TMEM61: variants seen among roughly 807,000 people sequenced by gnomAD.
TMEM61 encodes transmembrane protein 61.
Under a neutral mutation model 12.0 loss-of-function variants are expected in TMEM61, and 13 were observed. The ratio of observed to expected loss-of-function variants is 1.08; its 90% CI spans 0.70 to 1.72. The LOEUF (loss-of-function observed/expected upper bound fraction) is 1.72, where lower values mean the gene tolerates loss of function less well. Among genes scored for constraint, TMEM61 ranks in the 40% most tolerant of loss-of-function variants. The probability of loss-of-function intolerance (pLI) is 0.00; values close to 1 mark genes in which losing one functional copy is unlikely to be tolerated. For missense variants in TMEM61, 249 were observed against 276.9 expected (o/e 0.90, Z 0.71); for synonymous variants, 109 against 121.4 (o/e 0.90, Z 0.67).
At chr1:54,981,721 G>C (rs1214179268) in intron 1 of TMEM61, among the ~76,000 whole-genome samples, 1 of 152,152 alleles carries the variant, frequency 6.6e-6, no homozygotes, top group African/African-American at 2.4e-5. Context: ...GGTGCAGGAG[G>C]GAGGCTCTGT....
chr1:54,991,850 T>C lies in TMEM61; in HGVS notation c.380T>C (p.Val127Ala). ...TGTTCCTGCAGGACCCCCAAAGTGGTTGACATCCCCACTTACGAGGAAGCC... is the reference window on the plus strand; with the variant it reads ...TGTTCCTGCAGGACCCCCAAAGTGGCTGACATCCCCACTTACGAGGAAGCC... ...EKESCRTPKV[V>A]DIPTYEEAVS... is the part of the protein sequence containing the mutation. Residue 127 changes from valine to alanine, a missense_variant, in exon 3 of 3, where the codon GTT becomes GCT. Val to Ala is a moderately conservative substitution (Grantham distance 64). Coordinates refer to ENST00000371268, the MANE Select transcript of TMEM61 (RefSeq NM_182532.3). The C allele has an allele frequency of 1.2e-6, 2 of 1,613,974 alleles. No individual in the cohort carries two copies. Among genetic ancestry groups the C allele is most frequent in the Non-Finnish European group, 1.7e-6 (2 of 1,179,958 alleles).
Position 54,991,962 on chromosome 1 carries a change from C to T in TMEM61, c.492C>T (p.Ala164=), listed in dbSNP as rs751754676. The T allele has an allele frequency of 2.5e-6, 4 of 1,614,206 alleles. No homozygotes were observed. Among genetic ancestry groups the T allele is most frequent in the South Asian group, 2.2e-5 (2 of 91,092 alleles). ...EALEPSGSRD[A]LLSTQPAWPP... The stretch of plus-strand genomic sequence containing the variant: ...TGGAGCCAAGTGGATCGAGGGATGC[C>T]CTGCTCAGCACCCAGCCCGCCTGGC... The change falls in exon 3 of 3, where the codon GCC becomes GCT. Residue 164 remains alanine (A), a synonymous_variant. Transcript: ENST00000371268.
chr1:54,983,800 G>A (rs1644239803), intron 1 of TMEM61, among the ~76,000 whole-genome samples: 1 of 152,086 alleles, frequency 6.6e-6, no homozygotes. Flanking sequence ...CCTCTTGACA[G>A]CCTCTCCTAG....
At chr1:54,991,718 A>G in intron 2 of TMEM61, 118 bp from the exon 3 acceptor site, 1 of 1,276,242 alleles carries the variant, frequency 7.8e-7, no homozygotes. Flanking sequence ...CTGGAGAGCC[A>G]CAAAGGCTTG....
intron 2 of TMEM61, among the ~76,000 whole-genome samples, chr1:54,989,136 A>C (rs1039302672): frequency 6.6e-6 from 1 of 152,178 alleles, no homozygotes; most frequent in African/African-American, 2.4e-5. Flanking sequence ...CTTATGAGGT[A>C]AGTGTAAGGA....
rs138273726 is a variant in TMEM61 at position 54,986,242 on chromosome 1, C to G, written c.161C>G (p.Thr54Arg). 37 of 1,613,702 alleles carry G rather than the reference C, an allele frequency of 2.3e-5. No homozygotes were observed. The African/African-American group carries it at 4.3e-4, about 19-fold the overall frequency. Residue 54 changes from threonine to arginine, a missense_variant, in exon 2 of 3, where the codon ACG (threonine) becomes AGG (arginine). By Grantham distance (71) the Thr-to-Arg change is moderately conservative. Coordinates refer to ENST00000371268, the MANE Select transcript of TMEM61 (RefSeq NM_182532.3). ...CAGCCTGGCCAGCTGGCCCCACCCA[C>G]GGAGTATCCGGTGCCTGAGGGCCCC... ...TAQPGQLAPP[T>R]EYPVPEGPSP...
At chr1:54,985,219 A>ATGTGTGTGTG (rs35817239) in intron 1 of TMEM61, among the ~76,000 whole-genome samples, 2,215 of 150,694 alleles carry the variant, frequency 0.015, 55 homozygotes, top group African/African-American at 0.052. Flanking sequence ...GAACGTGTGT[A>ATGTGTGTGTG]TGTGTGTGTG....
In TMEM61 at chr1:54,980,769, C is replaced by T. The variant is rs1321143178; in HGVS notation, c.-297C>T. 1 of 332,174 alleles carries T rather than the reference C, an allele frequency of 3.0e-6. No homozygotes were observed. Among genetic ancestry groups the T allele is most frequent in the East Asian group, 4.5e-5 (1 of 22,264 alleles). The allele number at this position is 332,174 out of a possible 1,614,324, so 20.6% of individuals were successfully genotyped here. Reference sequence around the variant, plus strand: ...CAGAGCCCCGCGGGGAGCGCGCAGCCCTCGGGGCGGGCGCCGGGGTGAGGC... The same window carrying T: ...CAGAGCCCCGCGGGGAGCGCGCAGCTCTCGGGGCGGGCGCCGGGGTGAGGC... On this transcript the variant is annotated 5_prime_UTR_variant, in exon 1 of 3. Coordinates refer to ENST00000371268, the MANE Select transcript of TMEM61 (RefSeq NM_182532.3).
chr1:54,991,307 T>G (rs904899643), intron 2 of TMEM61, among the ~76,000 whole-genome samples: 45 of 152,214 alleles, frequency 3.0e-4, no homozygotes, highest in African/African-American at 1.0e-3. Context: ...TTGTAAGCTC[T>G]CCATCCCTGG....
intron 1 of TMEM61, 60 bp from the exon 2 acceptor site, chr1:54,986,037 C>T: frequency 1.4e-6 from 2 of 1,446,538 alleles, no homozygotes; most frequent in East Asian, 2.3e-5. Flanking sequence ...GAATTAACAC[C>T]TGGCCTCCAG....
chr1:54,980,974 A>C lies in TMEM61; in HGVS notation c.-92A>C. The C allele has an allele frequency of 7.2e-7, 1 of 1,381,152 alleles. No homozygotes were observed. The highest frequency in any genetic ancestry group is 9.7e-7 in the Non-Finnish European group (1 of 1,034,036). The allele number at this position is 1,381,152 out of a possible 1,614,324, so 85.6% of individuals were successfully genotyped here. On this transcript the variant is annotated 5_prime_UTR_variant, in exon 1 of 3. Coordinates refer to ENST00000371268, the MANE Select transcript of TMEM61 (RefSeq NM_182532.3). ...TGCAGACCCGAGGGTCGCCGCTGGT[A>C]GGGTCGCTCAGCCCTGGCGTCCTCC...
chr1:54,985,891 C>T (rs2500324), intron 1 of TMEM61, among the ~76,000 whole-genome samples: 101,984 of 152,026 alleles, frequency 0.67, 36,312 homozygotes, highest in Non-Finnish European at 0.8. Flanking sequence ...AGTCATGGTG[C>T]TGATACATGT....
At chr1:54,983,746 G>A (rs1364227821) in intron 1 of TMEM61, among the ~76,000 whole-genome samples, 1 of 152,286 alleles carries the variant, frequency 6.6e-6, no homozygotes, top group Non-Finnish European at 1.5e-5. Context: ...TGATTTGCTT[G>A]TGTGTTTTGT....
chr1:54,984,742 G>T (rs1200197816), intron 1 of TMEM61, among the ~76,000 whole-genome samples: 1 of 152,192 alleles, frequency 6.6e-6, no homozygotes, highest in East Asian at 1.9e-4. Context: ...GGCAAAGGTG[G>T]CCCAGGGCAC....
intron 1 of TMEM61, among the ~76,000 whole-genome samples, chr1:54,983,005 A>G (rs1177314813): frequency 6.6e-6 from 1 of 152,070 alleles, no homozygotes; most frequent in Non-Finnish European, 1.5e-5. Flanking sequence ...TGCTGCTGCC[A>G]TCATCCTGTA....
chr1:54,986,251 C>G lies in TMEM61; in HGVS notation c.170C>G (p.Pro57Arg). 1 of 1,613,816 alleles carries G rather than the reference C, an allele frequency of 6.2e-7. No homozygotes were observed. Among genetic ancestry groups the G allele is most frequent in the Admixed American group, 1.7e-5 (1 of 60,026 alleles). The change falls in exon 2 of 3, where the codon CCG becomes CGG. Residue 57 changes from proline (P) to arginine (R), a missense_variant. Pro to Arg is a moderately radical substitution (Grantham distance 103, BLOSUM62 -2). Transcript: ENST00000371268. ...CAGCTGGCCCCACCCACGGAGTATC[C>G]GGTGCCTGAGGGCCCCAGCCCCCTG... ...PGQLAPPTEY[P>R]VPEGPSPLLR...
chr1:54,984,236 C>T (rs907907387), intron 1 of TMEM61, among the ~76,000 whole-genome samples: 1 of 152,210 alleles, frequency 6.6e-6, no homozygotes, highest in African/African-American at 2.4e-5. Flanking sequence ...GGGCAAGCCC[C>T]ACTTGGAAGG....
rs551776715 is a variant in TMEM61, at chr1:54,986,285, C to A, written c.204C>A (p.Ser68=). ...AGGGCCCCAGCCCCCTGCTCAGGTC[C>A]GTCAGCTTCGTCTGCTGCGGTGCAG... ...VPEGPSPLLR[S]VSFVCCGAGG... Residue 68 remains serine (S), a synonymous_variant, in exon 2 of 3, where the codon TCC becomes TCA. Coordinates refer to ENST00000371268, the MANE Select transcript of TMEM61 (RefSeq NM_182532.3). 1 of 1,614,004 alleles carries A rather than the reference C, an allele frequency of 6.2e-7. No homozygotes were observed. The highest frequency in any genetic ancestry group is 8.5e-7 in the Non-Finnish European group (1 of 1,180,016).
intron 2 of TMEM61, 53 bp from the exon 3 acceptor site, chr1:54,991,783 G>GGCA: frequency 6.3e-7 from 1 of 1,579,564 alleles, no homozygotes. Flanking sequence ...CTCTCTGGCA[G>GGCA]GCAGCAGGGT....
Sources: gnomAD v4.1 joint callset for allele counts (sites outside exome capture counted in the v4.1 genomes callset) on GRCh38, gnomAD v4.1.1 for gene constraint, MANE v1.5 for transcripts, NCBI Gene and HGNC (gene_info 2026-07-23, HGNC 2026-07-21) for gene names.